Variants in IL1RAPL2 observed in about 807,000 individuals in gnomAD.
IL1RAPL2 encodes the protein interleukin 1 receptor accessory protein like 2, also known as X-linked interleukin-1 receptor accessory protein-like 2.
Under a neutral mutation model 44.1 loss-of-function variants are expected in IL1RAPL2, and 3 were observed. The ratio of observed to expected loss-of-function variants is 0.07; its 90% confidence interval spans 0.03 to 0.18. IL1RAPL2 has a LOEUF of 0.18. Among genes scored for constraint, IL1RAPL2 ranks in the 10% least tolerant of loss-of-function variants. IL1RAPL2 has a pLI of 1.00. For synonymous variants in IL1RAPL2, 181 were observed against 178.8 expected (o/e 1.01, Z -0.10); for missense variants, 391 against 496.4 (o/e 0.79, Z 2.02).
At chrX:105,451,213 T>G (rs1402054136) in intron 5 of IL1RAPL2, among the ~76,000 whole-genome samples, 1 of 111,419 alleles carries the variant, frequency 9.0e-6, no homozygotes, top group Non-Finnish European at 1.9e-5. Flanking sequence ...TTATATTTTG[T>G]TTATAGTGAA....
At chrX:105,239,497 A>G (rs2034150899) in intron 4 of IL1RAPL2, among the ~76,000 whole-genome samples, 1 of 109,899 alleles carries the variant, frequency 9.1e-6, no homozygotes, top group African/African-American at 3.5e-5. Context: ...CAGGCAACGT[A>G]TGTACCATTA....
intron 2 of IL1RAPL2, among the ~76,000 whole-genome samples, chrX:104,950,513 G>T (rs534576834): frequency 2.7e-5 from 3 of 112,248 alleles, no homozygotes; most frequent in Non-Finnish European, 5.6e-5. Flanking sequence ...TTCGAGCTTC[G>T]GGGCTGCTTT....
chrX:104,630,455 T>C (rs1399335776), intron 1 of IL1RAPL2, among the ~76,000 whole-genome samples: 1 of 109,050 alleles, frequency 9.2e-6, no homozygotes, highest in African/African-American at 3.4e-5. Flanking sequence ...CAGGCTGATT[T>C]TTTTGTATTT....
intron 2 of IL1RAPL2, among the ~76,000 whole-genome samples, chrX:105,045,435 AG>A (rs1181185339): frequency 8.9e-6 from 1 of 112,353 alleles, no homozygotes; most frequent in African/African-American, 3.2e-5. Context: ...GAAGAAAAAG[AG>A]CAGAGAGTTG....
At chrX:104,759,506 G>A (rs761377660) in intron 2 of IL1RAPL2, among the ~76,000 whole-genome samples, 2 of 111,160 alleles carry the variant, frequency 1.8e-5, no homozygotes, top group Non-Finnish European at 3.8e-5. Context: ...ATATGTCTAG[G>A]AGCAGCATTT....
intron 2 of IL1RAPL2, among the ~76,000 whole-genome samples, chrX:104,703,754 A>T (rs949689537): frequency 2.3e-4 from 26 of 112,507 alleles, no homozygotes; most frequent in African/African-American, 8.1e-4. Context: ...TACATTCATA[A>T]GTGAAAACAC....
chrX:105,226,886 AAGCT>A (rs1158920943), intron 3 of IL1RAPL2, among the ~76,000 whole-genome samples: 3 of 110,585 alleles, frequency 2.7e-5, no homozygotes, highest in African/African-American at 9.9e-5. Flanking sequence ...ATCAAGCAGT[AAGCT>A]ACTCAAGTCC....
intron 5 of IL1RAPL2, among the ~76,000 whole-genome samples, chrX:105,319,714 C>T (rs1224884152): frequency 2.7e-5 from 3 of 111,452 alleles, no homozygotes; most frequent in East Asian, 2.8e-4. Context: ...GTACAACATA[C>T]GCAAATATTC....
chrX:105,696,494 TAAC>T (rs1480887547), intron 6 of IL1RAPL2, among the ~76,000 whole-genome samples: 1 of 111,618 alleles, frequency 9.0e-6, no homozygotes, highest in Non-Finnish European at 1.9e-5. Flanking sequence ...GATGAAGTGC[TAAC>T]AATGTGTTTA....
intron 2 of IL1RAPL2, among the ~76,000 whole-genome samples, chrX:105,176,854 T>TTGAGA (rs1309825984): frequency 2.7e-5 from 3 of 111,260 alleles, no homozygotes; most frequent in African/African-American, 9.8e-5. Context: ...GAGCTGCTGC[T>TTGAGA]TGAGATGATG....
At chrX:104,892,136 G>T (rs1923470284) in intron 2 of IL1RAPL2, among the ~76,000 whole-genome samples, 1 of 111,424 alleles carries the variant, frequency 9.0e-6, no homozygotes, top group Non-Finnish European at 1.9e-5. Context: ...TGCATCCCAG[G>T]GATGAAGCCC....
At chrX:105,258,125 T>C (rs1428367185) in intron 4 of IL1RAPL2, among the ~76,000 whole-genome samples, 1 of 112,044 alleles carries the variant, frequency 8.9e-6, no homozygotes, top group African/African-American at 3.2e-5. Flanking sequence ...GCAGTTCTGG[T>C]GGTAATGAAT....
chrX:105,552,961 A>G (rs2036869396), intron 6 of IL1RAPL2, among the ~76,000 whole-genome samples: 1 of 112,160 alleles, frequency 8.9e-6, no homozygotes, highest in South Asian at 3.7e-4. Flanking sequence ...CCAATATCAT[A>G]TTATCATAAT....
rs759197037 is a variant in IL1RAPL2, at chrX:105,405,998, G to A, written c.698-78315G>A. On this transcript the variant is annotated intron_variant, in intron 5 of 10. Transcript: ENST00000372582. ...CAGATTCTAAGCCTCCTGAGGGATT[G>A]TTAGGATTCCACACAGACTGGCTGA... The A allele has an allele frequency of 1.1e-3, 1,343 of 1,205,187 alleles. 1 individual carries two copies. Among genetic ancestry groups the A allele is most frequent in the Non-Finnish European group, 1.4e-3 (1,219 of 891,862 alleles).
At chrX:105,053,410 A>G (rs2031953044) in intron 2 of IL1RAPL2, among the ~76,000 whole-genome samples, 1 of 111,436 alleles carries the variant, frequency 9.0e-6, no homozygotes, top group Non-Finnish European at 1.9e-5. Context: ...GCACCATGCT[A>G]TGGGTGTCAC....
At chrX:104,847,727 A>G (rs1165662843) in intron 2 of IL1RAPL2, among the ~76,000 whole-genome samples, 1 of 111,848 alleles carries the variant, frequency 8.9e-6, no homozygotes, top group African/African-American at 3.3e-5. Flanking sequence ...CAATTCTGTG[A>G]AGAAAGTCAT....
At chrX:105,687,835 C>A (rs1182564740) in intron 6 of IL1RAPL2, among the ~76,000 whole-genome samples, 1 of 111,621 alleles carries the variant, frequency 9.0e-6, no homozygotes, top group Non-Finnish European at 1.9e-5. Flanking sequence ...TAAAAACTGG[C>A]AAACCGAATC....
intron 1 of IL1RAPL2, among the ~76,000 whole-genome samples, chrX:104,631,364 T>A (rs975481242): frequency 8.9e-6 from 1 of 112,118 alleles, no homozygotes; most frequent in African/African-American, 3.2e-5. Context: ...AGTAATGGGA[T>A]GGCTGGGTCA....
At chrX:104,959,520 T>C (rs994278984) in intron 2 of IL1RAPL2, among the ~76,000 whole-genome samples, 2 of 112,017 alleles carry the variant, frequency 1.8e-5, no homozygotes, top group African/African-American at 6.5e-5. Flanking sequence ...GAACACTTTT[T>C]TTAAAAATAG....
Sources: allele counts gnomAD v4.1 joint callset (sites outside exome capture counted in the v4.1 genomes callset), GRCh38; gene constraint gnomAD v4.1.1; transcripts MANE v1.5; gene names NCBI Gene and HGNC (gene_info 2026-07-23, HGNC 2026-07-21).